The following DIAPH3 variants were observed in gnomAD, a reference collection of about 807,000 sequenced individuals.
The protein encoded by DIAPH3 is diaphanous related formin 3.
DIAPH3 carries 117 observed loss-of-function variants against 144.3 expected under a neutral mutation model. That is an observed-to-expected ratio of 0.81 (90% CI 0.70 to 0.95). DIAPH3 has a LOEUF of 0.95. Among genes scored for constraint, DIAPH3 ranks in the 40% least tolerant of loss-of-function variants. The pLI is 0.00. For synonymous variants in DIAPH3, 519 were observed against 488.9 expected (o/e 1.06, Z -0.81); for missense variants, 1,421 against 1,412.7 (o/e 1.01, Z -0.09).
intron 21 of DIAPH3, among the ~76,000 whole-genome samples, chr13:59,865,092 A>G (rs1363200747): frequency 6.6e-6 from 1 of 151,950 alleles, no homozygotes; most frequent in Non-Finnish European, 1.5e-5. Flanking sequence ...TCTCTAGAAA[A>G]ATTTCACAAT....
intron 24 of DIAPH3, among the ~76,000 whole-genome samples, chr13:59,814,933 TG>T (rs2040687417): frequency 6.6e-6 from 1 of 152,264 alleles, no homozygotes; most frequent in Non-Finnish European, 1.5e-5. Context: ...GATCATATTA[TG>T]GTATTTGTCT....
intron 27 of DIAPH3, among the ~76,000 whole-genome samples, chr13:59,745,510 A>G (rs2173037): frequency 0.34 from 52,332 of 152,092 alleles, 9,467 homozygotes; most frequent in African/African-American, 0.44. Flanking sequence ...TAATAGAGAT[A>G]TTCCTTGCAC....
chr13:59,739,915 C>T (rs1465983622), intron 27 of DIAPH3, among the ~76,000 whole-genome samples: 1 of 152,014 alleles, frequency 6.6e-6, no homozygotes, highest in African/African-American at 2.4e-5. Flanking sequence ...TGCTGTGCAC[C>T]GACAACTTGA....
intron 3 of DIAPH3, among the ~76,000 whole-genome samples, chr13:60,097,853 T>C (rs1403812564): frequency 6.6e-6 from 1 of 151,482 alleles, no homozygotes; most frequent in Admixed American, 6.6e-5. Flanking sequence ...ATGAGGGGTA[T>C]GGTATTATTA....
rs114516330 is a variant in DIAPH3 at position 59,877,792 on chromosome 13, G to A, written c.2607+1437C>T. On this transcript the variant is annotated intron_variant, in intron 21 of 27. Transcript: ENST00000400324. ...ATTAGCCCCACTCCTTTCCCATCTA[G>A]TTTGCAAAGGTAGTAGGCCACTCAC... Among the ~76,000 whole-genome samples, 651 of 151,792 alleles carry A rather than the reference G, an allele frequency of 4.3e-3. 8 individuals carry two copies. Among genetic ancestry groups the A allele is most frequent in the African/African-American group, 0.015 (622 of 41,366 alleles).
At chr13:60,127,749 G>T (rs962661572) in intron 2 of DIAPH3, among the ~76,000 whole-genome samples, 6 of 152,134 alleles carry the variant, frequency 3.9e-5, no homozygotes, top group African/African-American at 1.4e-4. Flanking sequence ...TTGACTGTAA[G>T]CGGGTACAGA....
chr13:59,966,504 C>A (rs965606719), intron 17 of DIAPH3, among the ~76,000 whole-genome samples: 1 of 151,952 alleles, frequency 6.6e-6, no homozygotes, highest in Non-Finnish European at 1.5e-5. Context: ...ATCACGTATG[C>A]ACAATATCTG....
At chr13:59,726,213 T>A (rs2138945055) in intron 27 of DIAPH3, among the ~76,000 whole-genome samples, 1 of 152,332 alleles carries the variant, frequency 6.6e-6, no homozygotes, top group South Asian at 2.1e-4. Flanking sequence ...ATAATTCATA[T>A]GTTCATATGT....
At chr13:60,058,243 TTC>T (rs1431188490) in intron 4 of DIAPH3, among the ~76,000 whole-genome samples, 9 of 150,492 alleles carry the variant, frequency 6.0e-5, no homozygotes, top group Non-Finnish European at 1.3e-4. Flanking sequence ...GAATAGACAT[TTC>T]TGACACTTCT....
chr13:59,738,128 C>T (rs574831594), intron 27 of DIAPH3, among the ~76,000 whole-genome samples: 2 of 152,144 alleles, frequency 1.3e-5, no homozygotes, highest in Non-Finnish European at 2.9e-5. Flanking sequence ...GATCACGCCA[C>T]TGCACTCCAG....
intron 3 of DIAPH3, among the ~76,000 whole-genome samples, chr13:60,095,514 T>C (rs1035409322): frequency 1.1e-4 from 16 of 152,142 alleles, no homozygotes; most frequent in African/African-American, 3.9e-4. Flanking sequence ...GCCATGGCAT[T>C]TGTAAATTGT....
intron 24 of DIAPH3, among the ~76,000 whole-genome samples, chr13:59,830,704 C>G (rs889852718): frequency 6.6e-6 from 1 of 151,898 alleles, no homozygotes. Flanking sequence ...TGCATAACTG[C>G]TACTGCTGTG....
intron 3 of DIAPH3, among the ~76,000 whole-genome samples, chr13:60,102,472 A>G (rs2058298906): frequency 6.6e-6 from 1 of 152,188 alleles, no homozygotes; most frequent in African/African-American, 2.4e-5. Context: ...AAGTTCTCAA[A>G]TAGAATTTGC....
chr13:59,714,342 A>T (rs1242618676), intron 27 of DIAPH3, among the ~76,000 whole-genome samples: 15 of 130,546 alleles, frequency 1.1e-4, no homozygotes, highest in Non-Finnish European at 2.1e-4. Context: ...CCTGGGCGAC[A>T]GAGCGAGACT....
intron 9 of DIAPH3, among the ~76,000 whole-genome samples, chr13:59,995,188 AT>A (rs2052115006): frequency 6.6e-6 from 1 of 151,866 alleles, no homozygotes; most frequent in Non-Finnish European, 1.5e-5. Flanking sequence ...AGAATCATTC[AT>A]TCATTAAAAA....
chr13:59,811,161 T>A (rs1318344446), intron 24 of DIAPH3, among the ~76,000 whole-genome samples: 1 of 152,018 alleles, frequency 6.6e-6, no homozygotes, highest in African/African-American at 2.4e-5. Context: ...CATCCACATC[T>A]TGATGGAATT....
rs549008315 is a variant in DIAPH3, at chr13:59,957,334, T to C, written c.2074+12610A>G. 5.3e-5 allele frequency among the ~76,000 whole-genome samples: 8 copies of C among 152,262 alleles called. No individual in the cohort carries two copies. In the South Asian group the frequency reaches 1.5e-3, roughly 28 times the overall value. ...TAATCATGGGGGTGGGTTTTTCCCA[T>C]GCTGTTCTCATAATAGTGAATAAGT... On this transcript the variant is annotated intron_variant, in intron 17 of 27. Coordinates refer to ENST00000400324, the MANE Select transcript of DIAPH3 (RefSeq NM_001042517.2).
At chr13:60,104,418 G>T (rs1435913559) in intron 3 of DIAPH3, among the ~76,000 whole-genome samples, 1 of 152,042 alleles carries the variant, frequency 6.6e-6, no homozygotes, top group African/African-American at 2.4e-5. Flanking sequence ...TAATAGAACA[G>T]CAGCCAAAGA....
chr13:60,010,721 T>C, intron 7 of DIAPH3, 52 bp from the exon 8 acceptor site: 1 of 1,560,982 alleles, frequency 6.4e-7, no homozygotes, highest in South Asian at 1.1e-5. Context: ...GTTAGAAAAA[T>C]AATACCCTGA....
Sources: allele counts gnomAD v4.1 joint callset (sites outside exome capture counted in the v4.1 genomes callset), GRCh38; gene constraint gnomAD v4.1.1; transcripts MANE v1.5; gene names NCBI Gene and HGNC (gene_info 2026-07-23, HGNC 2026-07-21).